The following CDKAL1 variants were observed in gnomAD, a reference collection of about 807,000 sequenced individuals.
CDKAL1 encodes the protein CDKAL1 threonylcarbamoyladenosine tRNA methylthiotransferase, also known as threonylcarbamoyladenosine tRNA methylthiotransferase.
In CDKAL1, 32 loss-of-function variants were observed where a neutral mutation model predicts 68.2. The observed-to-expected ratio is 0.47, with a 90% CI of 0.35 to 0.63. The LOEUF (loss-of-function observed/expected upper bound fraction) is 0.63. CDKAL1 is among the 30% of genes least tolerant of loss of function. The probability of loss-of-function intolerance (pLI) is 0.00; values close to 1 mark genes in which losing one functional copy is unlikely to be tolerated. For missense variants in CDKAL1, 606 were observed against 696.7 expected, an observed-to-expected ratio of 0.87 and a Z score of 1.47; for synonymous variants, 234 against 244.3, an observed-to-expected ratio of 0.96 and a Z score of 0.39.
At chr6:21,144,595 G>C (rs1776072047) in intron 13 of CDKAL1, among the ~76,000 whole-genome samples, 1 of 150,332 alleles carries the variant, frequency 6.7e-6, no homozygotes, top group African/African-American at 2.5e-5. Flanking sequence ...GATCAGCCTG[G>C]GAAACATGGT....
intron 12 of CDKAL1, among the ~76,000 whole-genome samples, chr6:21,092,589 A>G (rs535980499): frequency 2.0e-5 from 3 of 152,268 alleles, no homozygotes; most frequent in African/African-American, 7.2e-5. Context: ...ACTCTTAAAC[A>G]TAAGTAGCAA....
At position 20,690,555 on chromosome 6, in the gene CDKAL1, A is replaced by G. The variant is rs118039986; in HGVS notation, c.371+41178A>G. Among the ~76,000 whole-genome samples, 31 of 152,220 alleles carry G rather than the reference A, an allele frequency of 2.0e-4. 1 individual carries two copies. In the East Asian group the frequency reaches 4.6e-3, roughly 23 times the overall value. ...GCCACTTGTGCTTTTAGTATTTCCA[A>G]TTTTAGTTTTGCTAATTTAATGGAG... On this transcript the variant is annotated intron_variant, in intron 5 of 15. Coordinates refer to ENST00000274695, the MANE Select transcript of CDKAL1 (RefSeq NM_017774.3).
At chr6:21,160,732 G>T (rs34844023) in intron 13 of CDKAL1, among the ~76,000 whole-genome samples, 11,576 of 147,240 alleles carry the variant, frequency 0.079, 614 homozygotes, top group East Asian at 0.26. Context: ...TTAATTTCTG[G>T]TATACGTGTG....
At chr6:21,182,740 GA>G (rs1433330172) in intron 13 of CDKAL1, among the ~76,000 whole-genome samples, 1 of 152,154 alleles carries the variant, frequency 6.6e-6, no homozygotes, top group African/African-American at 2.4e-5. Context: ...ATATGCAATT[GA>G]AAAACATTAA....
intron 10 of CDKAL1, among the ~76,000 whole-genome samples, chr6:20,982,790 A>G (rs1306630828): frequency 1.3e-5 from 2 of 152,112 alleles, no homozygotes; most frequent in Admixed American, 6.5e-5. Flanking sequence ...TAAAATTACA[A>G]TTTCCCCCTC....
intron 8 of CDKAL1, among the ~76,000 whole-genome samples, chr6:20,782,735 C>T (rs1412592177): frequency 6.6e-6 from 1 of 151,998 alleles, no homozygotes; most frequent in Non-Finnish European, 1.5e-5. Flanking sequence ...CCACTCTATC[C>T]CCAGTGAGTA....
chr6:20,676,718 A>AAAAT, intron 5 of CDKAL1, among the ~76,000 whole-genome samples: 1 of 127,706 alleles, frequency 7.8e-6, no homozygotes, highest in East Asian at 1.9e-4. Flanking sequence ...AAAATAAAAT[A>AAAAT]AAAAAGTCTT....
At chr6:20,599,611 A>G (rs2127710685) in intron 4 of CDKAL1, among the ~76,000 whole-genome samples, 1 of 152,196 alleles carries the variant, frequency 6.6e-6, no homozygotes, top group East Asian at 1.9e-4. Context: ...TAAGAGTTCA[A>G]ATTCTGTGGA....
intron 8 of CDKAL1, among the ~76,000 whole-genome samples, chr6:20,807,190 T>C (rs1581617491): frequency 6.6e-6 from 1 of 152,242 alleles, no homozygotes; most frequent in East Asian, 1.9e-4. Context: ...TTTACTGTTA[T>C]TTATTTATTT....
At chr6:20,555,960 C>G (rs1053565205) in intron 4 of CDKAL1, among the ~76,000 whole-genome samples, 3 of 152,000 alleles carry the variant, frequency 2.0e-5, no homozygotes, top group Non-Finnish European at 4.4e-5. Context: ...TTATTAGAAG[C>G]CTTTCTCGTT....
intron 9 of CDKAL1, among the ~76,000 whole-genome samples, chr6:20,874,876 A>G (rs2150549621): frequency 6.6e-6 from 1 of 152,296 alleles, no homozygotes; most frequent in East Asian, 1.9e-4. Context: ...TGGGAAAGGA[A>G]GGTAATGTTA....
intron 15 of CDKAL1, among the ~76,000 whole-genome samples, chr6:21,202,786 A>G (rs1778743574): frequency 6.6e-6 from 1 of 152,166 alleles, no homozygotes; most frequent in Non-Finnish European, 1.5e-5. Context: ...TTACTGTCTA[A>G]AAGGGCAGTT....
intron 8 of CDKAL1, among the ~76,000 whole-genome samples, chr6:20,784,562 C>T (rs1023974020): frequency 6.6e-6 from 1 of 151,178 alleles, no homozygotes; most frequent in East Asian, 2.0e-4. Flanking sequence ...GTAGCTGGGA[C>T]TATAGGCGTG....
At chr6:21,058,845 G>A (rs1341684439) in intron 11 of CDKAL1, among the ~76,000 whole-genome samples, 2 of 150,086 alleles carry the variant, frequency 1.3e-5, no homozygotes, top group Non-Finnish European at 3.0e-5. Flanking sequence ...TCCTGTATAA[G>A]GTGTCTGGTG....
chr6:21,112,485 T>C (rs1169666683), intron 13 of CDKAL1, among the ~76,000 whole-genome samples: 1 of 152,230 alleles, frequency 6.6e-6, no homozygotes, highest in Non-Finnish European at 1.5e-5. Flanking sequence ...TGAAGTGGGC[T>C]TCTTGCTTTC....
intron 12 of CDKAL1, among the ~76,000 whole-genome samples, chr6:21,094,539 A>G (rs1388753672): frequency 6.6e-6 from 1 of 152,254 alleles, no homozygotes; most frequent in African/African-American, 2.4e-5. Context: ...ATTTAGGTGT[A>G]CATGAAAATA....
intron 9 of CDKAL1, among the ~76,000 whole-genome samples, chr6:20,940,153 T>C (rs1399790752): frequency 6.6e-6 from 1 of 152,184 alleles, no homozygotes; most frequent in Non-Finnish European, 1.5e-5. Context: ...AATGCCACTT[T>C]TTAATTTATT....
intron 11 of CDKAL1, among the ~76,000 whole-genome samples, chr6:21,058,147 A>C (rs1333903549): frequency 1.3e-5 from 2 of 152,190 alleles, no homozygotes; most frequent in Non-Finnish European, 2.9e-5. Flanking sequence ...GTGGGAGTCT[A>C]AGTCTCTTTG....
chr6:20,620,835 A>G (rs945605941), intron 4 of CDKAL1, among the ~76,000 whole-genome samples: 1 of 152,120 alleles, frequency 6.6e-6, no homozygotes, highest in South Asian at 2.1e-4. Flanking sequence ...TTTCCCTGCC[A>G]TAGCTTCTCC....
Sources: allele counts gnomAD v4.1 joint callset (sites outside exome capture counted in the v4.1 genomes callset), GRCh38; gene constraint gnomAD v4.1.1; transcripts MANE v1.5; gene names NCBI Gene and HGNC (gene_info 2026-07-23, HGNC 2026-07-21).